Variants in STC2 observed in about 807,000 individuals in gnomAD.
STC2 encodes the protein stanniocalcin 2.
STC2 carries 7 observed loss-of-function variants against 22.7 expected under a neutral mutation model. The ratio of observed to expected loss-of-function variants is 0.31; its 90% confidence interval spans 0.18 to 0.58. STC2 has a LOEUF of 0.58. STC2 is among the 20% of genes least tolerant of loss of function. STC2 has a pLI of 0.89. For missense variants in STC2, 336 were observed against 406.2 expected, an observed-to-expected ratio of 0.83 and a Z score of 1.48; for synonymous variants, 158 against 163.4, an observed-to-expected ratio of 0.97 and a Z score of 0.25.
In STC2 at chr5:173,317,856, G is replaced by A; in HGVS notation, c.900C>T (p.Ile300=). Residue 300 remains isoleucine (I), a synonymous_variant, in exon 4 of 4, where the codon ATC becomes ATT. Coordinates refer to ENST00000265087, the MANE Select transcript of STC2 (RefSeq NM_003714.3). ...GGCCAGGCCTTTCATTTCACCTCCG[G>A]ATATCAGAATACTCAGACTGTTCGT... ...WEDEQSEYSD[I]RR The A allele has an allele frequency of 6.4e-7, 1 of 1,562,004 alleles. No individual in the cohort carries two copies. The highest frequency in any genetic ancestry group is 8.7e-7 in the Non-Finnish European group (1 of 1,149,252).
chr5:173,321,198 G>A (rs896905869), intron 3 of STC2, among the ~76,000 whole-genome samples: 2 of 151,530 alleles, frequency 1.3e-5, no homozygotes, highest in Non-Finnish European at 2.9e-5. Context: ...ACACTAGAAC[G>A]CCAGAGAGCT....
Position 173,316,348 on chromosome 5 carries a change from T to C in STC2, c.*1499A>G, listed in dbSNP as rs1762421280. The stretch of plus-strand genomic sequence containing the variant: ...TATCTGGCCCTTTGCAGACAATGTT[T>C]GCTGACCCCCTACTCCAGAAGAGCC... On this transcript the variant is annotated 3_prime_UTR_variant, in exon 4 of 4. Coordinates refer to ENST00000265087, the MANE Select transcript of STC2 (RefSeq NM_003714.3). 1 of 152,054 alleles carries C rather than the reference T, an allele frequency of 6.6e-6. No individual in the cohort carries two copies. The highest frequency in any genetic ancestry group is 1.5e-5 in the Non-Finnish European group (1 of 68,046). The allele number at this position is 152,054 out of a possible 1,614,324, so 9.4% of individuals were successfully genotyped here. A position where few individuals can be genotyped will look rare whatever the true frequency, so the allele number is the denominator to read the frequency against.
Position 173,325,163 on chromosome 5 carries a change from C to T in STC2, c.294+705G>A, listed in dbSNP as rs1762532322. On this transcript the variant is annotated intron_variant, in intron 2 of 3. Coordinates refer to ENST00000265087, the MANE Select transcript of STC2 (RefSeq NM_003714.3). This position sits in a 1 kb window ranked among gnomAD's most constrained non-coding sequence, Gnocchi z 4.7. ...AGGGCATATAAGTGGCCAGGGAGAA[C>T]ACGAAGAAGGTGAGTCTGATGCCAC... Among the ~76,000 whole-genome samples the T allele has an allele frequency of 6.6e-6, 1 of 152,220 alleles. No homozygotes were observed. The highest frequency in any genetic ancestry group is 2.1e-4 in the South Asian group (1 of 4,834).
intron 1 of STC2, among the ~76,000 whole-genome samples, chr5:173,327,562 A>G (rs1391959610): frequency 2.6e-5 from 4 of 152,238 alleles, no homozygotes; most frequent in African/African-American, 9.6e-5. Context: ...CTCGCCGGCA[A>G]AGTTCTGGGA....
intron 3 of STC2, 37 bp from the exon 4 acceptor site, chr5:173,318,286 G>GAGAGAGAGAGAGAC: frequency 7.3e-7 from 1 of 1,375,914 alleles, no homozygotes. Context: ...GAGAGAGAGA[G>GAGAGAGAGAGAGAC]AGAGAGAGAG....
In STC2 at chr5:173,322,247, G is replaced by C. The variant is rs562673864; in HGVS notation, c.506+972C>G. On this transcript the variant is annotated intron_variant, in intron 3 of 3. Coordinates refer to ENST00000265087, the MANE Select transcript of STC2 (RefSeq NM_003714.3). ...TGACTTGTACTGAACTGGTTGGCTA[G>C]TGGCTTTCTTTCTGCCCTGTGTCTC... Among the ~76,000 whole-genome samples the C allele has an allele frequency of 7.9e-5, 12 of 152,236 alleles. 1 individual carries two copies. In the East Asian group the frequency reaches 2.1e-3, roughly 27 times the overall value.
chr5:173,322,918 G>T (rs142553096), intron 3 of STC2: 106 of 412,740 alleles, frequency 2.6e-4, no homozygotes, highest in African/African-American at 2.0e-3. Flanking sequence ...AGAGCTAGTG[G>T]GTTCTTGGCT....
At chr5:173,324,516 G>A (rs894784950) in intron 2 of STC2, among the ~76,000 whole-genome samples, 2 of 152,210 alleles carry the variant, frequency 1.3e-5, no homozygotes, top group African/African-American at 2.4e-5. Flanking sequence ...TACAGATAGC[G>A]TCTGATCTCT....
intron 3 of STC2, among the ~76,000 whole-genome samples, chr5:173,322,680 C>T (rs1299011683): frequency 6.6e-6 from 1 of 152,182 alleles, no homozygotes; most frequent in Non-Finnish European, 1.5e-5. Flanking sequence ...CAGACTGGAG[C>T]CAGGTCCCAA....
chr5:173,326,113 AG>A, intron 1 of STC2, 103 bp from the exon 2 acceptor site: 1 of 1,382,000 alleles, frequency 7.2e-7, no homozygotes, highest in Non-Finnish European at 9.9e-7. Context: ...GGAAAATTTA[AG>A]GAGGAAAAAA....
At chr5:173,318,272 G>GAC (rs755007983) in intron 3 of STC2, 23 bp from the exon 4 acceptor site, 13 of 1,091,366 alleles carry the variant, frequency 1.2e-5, no homozygotes, top group African/African-American at 1.6e-5. Context: ...AGCAAAGAGA[G>GAC]AGAGAGAGAG....
chr5:173,327,914 C>T (rs1762570581), intron 1 of STC2, 129 bp downstream of exon 1: 1 of 1,232,936 alleles, frequency 8.1e-7, no homozygotes, highest in Non-Finnish European at 1.1e-6. Context: ...TTGCACGTCC[C>T]GTGCCATCCC....
chr5:173,327,743 C>T (rs1204203222), intron 1 of STC2, among the ~76,000 whole-genome samples: 1 of 152,214 alleles, frequency 6.6e-6, no homozygotes, highest in Non-Finnish European at 1.5e-5. Context: ...GATTCGGGGG[C>T]GGGGGCTGGC....
chr5:173,326,134 A>T, intron 1 of STC2, 124 bp from the exon 2 acceptor site: 1 of 1,147,586 alleles, frequency 8.7e-7, no homozygotes, highest in Non-Finnish European at 1.2e-6. Flanking sequence ...AGACTTAGTA[A>T]TGACTATTTC....
rs778010691 is a variant in STC2 at position 173,323,448 on chromosome 5, G to T, written c.295-18C>A. The T allele has an allele frequency of 6.2e-5, 99 of 1,589,974 alleles. No individual in the cohort carries two copies. Among genetic ancestry groups the T allele is most frequent in the Non-Finnish European group, 8.5e-5 (99 of 1,166,298 alleles). On this transcript the variant is annotated intron_variant, in intron 2 of 3. Coordinates refer to ENST00000265087, the MANE Select transcript of STC2 (RefSeq NM_003714.3). This position sits in a 1 kb window ranked among gnomAD's most constrained non-coding sequence, Gnocchi z 5.4. ...GACTTGCCCTGAGAACACACAGGCC[G>T]GGGAAGGGAGAGAGGGGCAGAAAGC...
chr5:173,321,987 A>G (rs1762492800), intron 3 of STC2, among the ~76,000 whole-genome samples: 1 of 152,202 alleles, frequency 6.6e-6, no homozygotes, highest in Non-Finnish European at 1.5e-5. Flanking sequence ...TTCGCCATGA[A>G]TTGTATGATT....
chr5:173,319,494 A>G (rs778728879), intron 3 of STC2, among the ~76,000 whole-genome samples: 51 of 152,244 alleles, frequency 3.3e-4, no homozygotes, highest in Admixed American at 1.3e-4. Flanking sequence ...ACAAGGAGCA[A>G]TCTGATTTGT....
chr5:173,317,761 C>A lies in STC2; in HGVS notation c.*86G>T. ...ACAGAATCCTGCGTGTGACATCCCC[C>A]CTCTCTAATGGTAAATGTTTTGGAA... On this transcript the variant is annotated 3_prime_UTR_variant, in exon 4 of 4. Coordinates refer to ENST00000265087, the MANE Select transcript of STC2 (RefSeq NM_003714.3). 6.8e-7 allele frequency: 1 copy of A among 1,462,620 alleles called. No homozygotes were observed. Among genetic ancestry groups the A allele is most frequent in the Non-Finnish European group, 9.1e-7 (1 of 1,098,624 alleles). 90.6% of individuals were successfully genotyped at this position (1,462,620 alleles called of 1,614,324 possible). A position where few individuals can be genotyped will look rare whatever the true frequency, so the allele number is the denominator to read the frequency against.
chr5:173,317,029 A>G lies in STC2; in HGVS notation c.*818T>C, dbSNP rs377477137. On this transcript the variant is annotated 3_prime_UTR_variant, in exon 4 of 4. Coordinates refer to ENST00000265087, the MANE Select transcript of STC2 (RefSeq NM_003714.3). ...AAGGATGGGCTGGTTTTTTTTTTTTAAACCCCCTTTGAGCTGGTTTTAATG... is the reference window on the plus strand; with the variant it reads ...AAGGATGGGCTGGTTTTTTTTTTTTGAACCCCCTTTGAGCTGGTTTTAATG... 6.6e-6 allele frequency: 1 copy of G among 151,100 alleles called. No homozygotes were observed. Among genetic ancestry groups the G allele is most frequent in the Non-Finnish European group, 1.5e-5 (1 of 67,828 alleles). 9.4% of individuals were successfully genotyped at this position (151,100 alleles called of 1,614,324 possible).
Sources: gnomAD v4.1 joint callset for allele counts (sites outside exome capture counted in the v4.1 genomes callset) on GRCh38, gnomAD v4.1.1 for gene constraint, Gnocchi (gnomAD v3.1) non-coding constraint, MANE v1.5 for transcripts, NCBI Gene and HGNC (gene_info 2026-07-23, HGNC 2026-07-21) for gene names.